The following TJP2 variants were observed in gnomAD, a reference collection of about 807,000 sequenced individuals.
TJP2 encodes Friedreich ataxia region gene X104 (tight junction protein ZO-2).
A neutral mutation model predicts 133.1 loss-of-function variants in TJP2; 91 were observed. The ratio of observed to expected loss-of-function variants is 0.68; its 90% CI spans 0.58 to 0.81. The LOEUF (loss-of-function observed/expected upper bound fraction) is 0.81, where lower values mean the gene tolerates loss of function less well. TJP2 is among the 40% of genes least tolerant of loss of function. The pLI, the probability that TJP2 is intolerant of heterozygous loss-of-function variation, is 0.00. For synonymous variants in TJP2, 592 were observed against 583.4 expected (o/e 1.01, Z -0.21); for missense variants, 1,541 against 1,565.6 (o/e 0.98, Z 0.26).
At chr9:69,158,194 C>T (rs371062111) in intron 2 of TJP2, among the ~76,000 whole-genome samples, 31 of 151,936 alleles carry the variant, frequency 2.0e-4, no homozygotes, top group African/African-American at 7.0e-4. Context: ...TGGTGCACGC[C>T]TGTAATCCCA....
In TJP2 at chr9:69,228,032, T is replaced by A. The variant is rs747851490; in HGVS notation, c.1371T>A (p.Thr457=). 6.8e-6 allele frequency: 11 copies of A among 1,613,904 alleles called. No homozygotes were observed. The highest frequency in any genetic ancestry group is 9.3e-6 in the Non-Finnish European group (11 of 1,179,996). The change falls in exon 9 of 23, where the codon ACT becomes ACA. Residue 457 remains threonine (T), a synonymous_variant. Transcript: ENST00000377245. ...SRLSRMGATP[T]PFKSTGDIAG... is the part of the protein sequence containing the mutation. ...TGTCCAGGATGGGTGCGACACCCAC[T>A]CCCTTTAAGTCCACAGGGGATATTG...
At chr9:69,194,561 C>T (rs1352014182) in intron 1 of TJP2, among the ~76,000 whole-genome samples, 1 of 152,128 alleles carries the variant, frequency 6.6e-6, no homozygotes, top group East Asian at 1.9e-4. Context: ...GTTGCAGTAG[C>T]CACATTTCAC....
intron 2 of TJP2, among the ~76,000 whole-genome samples, chr9:69,166,422 GTAAACAGTAAAACAGTTT>G (rs931077166): frequency 2.4e-4 from 36 of 149,954 alleles, no homozygotes; most frequent in African/African-American, 7.1e-4. Context: ...TTTTTAAACA[GTAAACAGTAAAACAGTTT>G]TAAACAGTAA....
intron 1 of TJP2, among the ~76,000 whole-genome samples, chr9:69,138,786 G>C (rs1334846276): frequency 6.6e-6 from 1 of 152,090 alleles, no homozygotes; most frequent in African/African-American, 2.4e-5. Context: ...GCATGGTGGA[G>C]CATGCCTGTA....
At chr9:69,241,444 C>T (rs1474836751) in intron 17 of TJP2, among the ~76,000 whole-genome samples, 2 of 152,122 alleles carry the variant, frequency 1.3e-5, no homozygotes, top group Non-Finnish European at 2.9e-5. Flanking sequence ...ATCTCTGATA[C>T]TGGAGAGGAA....
intron 2 of TJP2, among the ~76,000 whole-genome samples, chr9:69,166,470 C>T (rs1257865918): frequency 2.6e-5 from 4 of 151,814 alleles, no homozygotes; most frequent in African/African-American, 9.7e-5. Context: ...GGGCCAGGCA[C>T]CGTGGCTCAT....
intron 4 of TJP2, 44 bp from the exon 5 acceptor site, chr9:69,220,843 G>A (rs1588090677): frequency 6.3e-7 from 1 of 1,590,424 alleles, no homozygotes; most frequent in East Asian, 2.2e-5. Context: ...TCCACATTCA[G>A]TTGTGATTGT....
chr9:69,180,228 A>C (rs1489628630), intron 1 of TJP2, among the ~76,000 whole-genome samples: 1 of 152,224 alleles, frequency 6.6e-6, no homozygotes, highest in Non-Finnish European at 1.5e-5. Flanking sequence ...GGTAACAGTT[A>C]TGGCTGTAAT....
At chr9:69,202,368 T>A (rs1827056085) in intron 1 of TJP2, among the ~76,000 whole-genome samples, 1 of 152,166 alleles carries the variant, frequency 6.6e-6, no homozygotes. Context: ...GGGTCTTAGG[T>A]TCCAGCACAT....
intron 1 of TJP2, among the ~76,000 whole-genome samples, chr9:69,132,169 C>A (rs1387929276): frequency 6.6e-6 from 1 of 152,198 alleles, no homozygotes; most frequent in Non-Finnish European, 1.5e-5. Context: ...GGGATTGTTA[C>A]ACTGGTGTCC....
chr9:69,163,707 A>G (rs995371180), intron 2 of TJP2, among the ~76,000 whole-genome samples: 6 of 151,962 alleles, frequency 3.9e-5, no homozygotes, highest in African/African-American at 1.2e-4. Flanking sequence ...CCCTGAGCTC[A>G]AGCCATCCAT....
At chr9:69,171,713 T>C (rs1824690694), upstream of TJP2, among the ~76,000 whole-genome samples, 1 of 151,978 alleles carries the variant, frequency 6.6e-6, no homozygotes. Context: ...ATAGACTGAG[T>C]TTCCTAAGGC....
At chr9:69,234,932 C>T (rs1830073197) in intron 12 of TJP2, among the ~76,000 whole-genome samples, 1 of 152,146 alleles carries the variant, frequency 6.6e-6, no homozygotes, top group Non-Finnish European at 1.5e-5. Context: ...CTTTCCAGGC[C>T]TTGTTCCCAT....
chr9:69,129,783 G>A (rs1398235053), intron 1 of TJP2, among the ~76,000 whole-genome samples: 1 of 151,778 alleles, frequency 6.6e-6, no homozygotes, highest in Non-Finnish European at 1.5e-5. Flanking sequence ...TTGGGAAGCT[G>A]AGGCAGGAGG....
At chr9:69,151,735 G>A in exon 2 of TJP2, 1 of 1,232,116 alleles carries the variant, frequency 8.1e-7, no homozygotes, top group Non-Finnish European at 1.0e-6. Flanking sequence ...ACTCCAGGAA[G>A]CACAGAGCTG....
chr9:69,177,542 T>C (rs759044216), intron 1 of TJP2, among the ~76,000 whole-genome samples: 12 of 152,162 alleles, frequency 7.9e-5, no homozygotes, highest in Non-Finnish European at 1.6e-4. Context: ...GTATTACTAT[T>C]AAACTTTTTG....
intron 1 of TJP2, among the ~76,000 whole-genome samples, chr9:69,137,040 C>T (rs1043396164): frequency 3.3e-5 from 5 of 152,146 alleles, no homozygotes; most frequent in Non-Finnish European, 5.9e-5. Flanking sequence ...AGCCCTGCTG[C>T]GTAGGAGCTG....
chr9:69,197,610 A>C (rs1288400203), intron 1 of TJP2, among the ~76,000 whole-genome samples: 1 of 151,970 alleles, frequency 6.6e-6, no homozygotes, highest in African/African-American at 2.4e-5. Flanking sequence ...CTACAATATT[A>C]ATGATGGAAA....
chr9:69,174,647 C>T (rs12378399), intron 1 of TJP2, among the ~76,000 whole-genome samples: 1 of 152,208 alleles, frequency 6.6e-6, no homozygotes, highest in African/African-American at 2.4e-5. Context: ...AACCTTTACT[C>T]TGAAGTCACT....
Sources: gnomAD v4.1 joint callset for allele counts (sites outside exome capture counted in the v4.1 genomes callset) on GRCh38, gnomAD v4.1.1 for gene constraint, MANE v1.5 for transcripts, NCBI Gene and HGNC (gene_info 2026-07-23, HGNC 2026-07-21) for gene names.